Variants in SPAG16 observed in about 807,000 individuals in gnomAD.
SPAG16 encodes sperm associated antigen 16, also known as sperm-associated antigen 16 protein.
A neutral mutation model predicts 80.4 loss-of-function variants in SPAG16; 86 were observed. The observed-to-expected ratio is 1.07, with a 90% confidence interval of 0.90 to 1.28. The LOEUF (loss-of-function observed/expected upper bound fraction) is 1.28. Among genes scored for constraint, SPAG16 ranks in the 50% most tolerant of loss-of-function variants. The probability of loss-of-function intolerance (pLI) is 0.00; values close to 1 mark genes in which losing one functional copy is unlikely to be tolerated. For synonymous variants in SPAG16, 294 were observed against 265.9 expected (o/e 1.11, Z -1.03); for missense variants, 870 against 765.3 (o/e 1.14, Z -1.61).
chr2:214,212,986 A>G lies in SPAG16; in HGVS notation c.1720+63720A>G, dbSNP rs529562407. On this transcript the variant is annotated intron_variant, in intron 15 of 15. Coordinates refer to ENST00000331683, the MANE Select transcript of SPAG16 (RefSeq NM_024532.5). The stretch of plus-strand genomic sequence containing the variant: ...GGCCACCATTATTGTCAATATAATC[A>G]AAGAACTTTTTCCTCCCCTATTGAG... Among the ~76,000 whole-genome samples, 7 of 152,348 alleles carry G rather than the reference A, an allele frequency of 4.6e-5. No homozygotes were observed. The South Asian group carries it at 1.5e-3, about 32-fold the overall frequency.
At chr2:213,341,451 A>C (rs527814427) in intron 6 of SPAG16, among the ~76,000 whole-genome samples, 1 of 152,288 alleles carries the variant, frequency 6.6e-6, no homozygotes, top group Admixed American at 6.5e-5. Context: ...CTTTCATTGT[A>C]AACCATTAAA....
In SPAG16 at chr2:214,267,684, C is replaced by A. The variant is rs1052791548; in HGVS notation, c.1720+118418C>A. Reference sequence around the variant, plus strand: ...TGGAAAGATATCCCACAAATAAATTCTTTTGTGGATTGAAAGAATTAATAG... The same window carrying A: ...TGGAAAGATATCCCACAAATAAATTATTTTGTGGATTGAAAGAATTAATAG... On this transcript the variant is annotated intron_variant, in intron 15 of 15. Transcript: ENST00000331683. Among the ~76,000 whole-genome samples, 4 of 151,690 alleles carry A rather than the reference C, an allele frequency of 2.6e-5. 1 individual carries two copies. The highest frequency in any genetic ancestry group is 2.1e-4 in the South Asian group (1 of 4,826).
At chr2:214,032,044 T>C (rs977074769) in intron 13 of SPAG16, among the ~76,000 whole-genome samples, 4 of 152,214 alleles carry the variant, frequency 2.6e-5, no homozygotes, top group Non-Finnish European at 5.9e-5. Flanking sequence ...TTGCTCATAG[T>C]GTTCCCATAG....
chr2:213,386,514 T>C (rs747989020), intron 9 of SPAG16, among the ~76,000 whole-genome samples: 1 of 152,220 alleles, frequency 6.6e-6, no homozygotes, highest in Non-Finnish European at 1.5e-5. Flanking sequence ...TTTCATGGAT[T>C]GATAACTTTC....
chr2:213,694,624 T>C (rs2065084144), intron 10 of SPAG16, among the ~76,000 whole-genome samples: 1 of 152,142 alleles, frequency 6.6e-6, no homozygotes, highest in African/African-American at 2.4e-5. Flanking sequence ...CCTAAGGTCA[T>C]AATCTGGACA....
intron 15 of SPAG16, among the ~76,000 whole-genome samples, chr2:214,310,425 A>C (rs565779828): frequency 4.7e-4 from 72 of 152,192 alleles, no homozygotes; most frequent in Non-Finnish European, 8.7e-4. Context: ...CAGGGATCTC[A>C]GGTAGCTGAT....
rs58172382 is a variant in SPAG16 at position 214,116,395 on chromosome 2, C to G, written c.1593+8134C>G. Among the ~76,000 whole-genome samples the G allele has an allele frequency of 5.4e-3, 829 of 152,340 alleles. 4 individuals carry two copies. The highest frequency in any genetic ancestry group is 0.018 in the African/African-American group (749 of 41,590). ...AATGAGTTCACTAACCTCCATTTCA[C>G]AGCAGATTTTGAGGTGCACCAGACT... On this transcript the variant is annotated intron_variant, in intron 14 of 15. Transcript: ENST00000331683.
rs1201986346 is a variant in SPAG16 at position 213,422,505 on chromosome 2, G to C, written c.942+47386G>C. The stretch of plus-strand genomic sequence containing the variant: ...GTGTGGAATCTGGGCTGTAGCAAGA[G>C]CTGAGCACAGCCTACCAGGCCGAGT... On this transcript the variant is annotated intron_variant, in intron 9 of 15. Coordinates refer to ENST00000331683, the MANE Select transcript of SPAG16 (RefSeq NM_024532.5). The C allele has an allele frequency of 1.7e-5, 9 of 528,788 alleles. No individual in the cohort carries two copies. The East Asian group carries it at 2.1e-4, about 12-fold the overall frequency. The allele number at this position is 528,788 out of a possible 1,614,324, so 32.8% of individuals were successfully genotyped here.
At chr2:213,314,839 A>G (rs2063335130) in intron 4 of SPAG16, among the ~76,000 whole-genome samples, 2 of 151,952 alleles carry the variant, frequency 1.3e-5, no homozygotes, top group Admixed American at 6.6e-5. Context: ...TCACATTCCT[A>G]GTACAGATTA....
intron 10 of SPAG16, among the ~76,000 whole-genome samples, chr2:213,678,767 A>G (rs1173900140): frequency 6.6e-6 from 1 of 152,192 alleles, no homozygotes; most frequent in Non-Finnish European, 1.5e-5. Context: ...TGGAAGCCCA[A>G]GGACAGAAAG....
intron 10 of SPAG16, among the ~76,000 whole-genome samples, chr2:213,767,998 C>T (rs1461844137): frequency 6.6e-6 from 1 of 152,168 alleles, no homozygotes; most frequent in Non-Finnish European, 1.5e-5. Flanking sequence ...TGCACTGGAA[C>T]AGCTCTTAAC....
chr2:214,332,160 A>T (rs1696961500), intron 15 of SPAG16, among the ~76,000 whole-genome samples: 1 of 152,150 alleles, frequency 6.6e-6, no homozygotes, highest in Non-Finnish European at 1.5e-5. Flanking sequence ...GCTGAAGCAC[A>T]AGAATCACTT....
At chr2:214,025,616 G>C (rs1036207741) in intron 13 of SPAG16, among the ~76,000 whole-genome samples, 1 of 151,636 alleles carries the variant, frequency 6.6e-6, no homozygotes, top group African/African-American at 2.4e-5. Context: ...GCATTCTGCT[G>C]TGGTTGCTAT....
At chr2:214,282,764 A>C (rs1403454739) in intron 15 of SPAG16, among the ~76,000 whole-genome samples, 1 of 152,210 alleles carries the variant, frequency 6.6e-6, no homozygotes, top group Non-Finnish European at 1.5e-5. Context: ...AACTTAGGAT[A>C]TGAGGAGTAA....
chr2:213,965,502 A>G (rs2044664019), intron 12 of SPAG16, among the ~76,000 whole-genome samples: 1 of 152,238 alleles, frequency 6.6e-6, no homozygotes, highest in Non-Finnish European at 1.5e-5. Context: ...TGCTCCAATT[A>G]ACATCTCAGT....
Position 213,833,454 on chromosome 2 carries a change from T to A in SPAG16, c.1071-29031T>A, listed in dbSNP as rs867183765. The stretch of plus-strand genomic sequence containing the variant: ...GTATGTGTGTGTGTATATATATATA[T>A]TATATATATATTATATATAATAATA... On this transcript the variant is annotated intron_variant, in intron 10 of 15. Coordinates refer to ENST00000331683, the MANE Select transcript of SPAG16 (RefSeq NM_024532.5). 2.4e-3 allele frequency among the ~76,000 whole-genome samples: 13 copies of A among 5,438 alleles called. 1 individual carries two copies. The highest frequency in any genetic ancestry group is 3.8e-3 in the Non-Finnish European group (11 of 2,896). The allele number at this position is 5,438 out of a possible 152,430, so 3.6% of individuals were successfully genotyped here.
At chr2:214,383,709 G>A (rs1700591731) in intron 15 of SPAG16, among the ~76,000 whole-genome samples, 1 of 152,184 alleles carries the variant, frequency 6.6e-6, no homozygotes, top group South Asian at 2.1e-4. Flanking sequence ...TGAGAGGTGG[G>A]AGTTGGGTGA....
At chr2:213,808,267 T>C (rs1017650478) in intron 10 of SPAG16, among the ~76,000 whole-genome samples, 3 of 152,114 alleles carry the variant, frequency 2.0e-5, no homozygotes, top group Non-Finnish European at 4.4e-5. Context: ...ATTCAAAATT[T>C]TGTGGAAGAA....
chr2:213,301,442 A>G (rs889351040), intron 3 of SPAG16, among the ~76,000 whole-genome samples: 1 of 152,216 alleles, frequency 6.6e-6, no homozygotes, highest in Non-Finnish European at 1.5e-5. Context: ...AGGAACTCAC[A>G]TTAAAACAGT....
Sources: allele counts gnomAD v4.1 joint callset (sites outside exome capture counted in the v4.1 genomes callset), GRCh38; gene constraint gnomAD v4.1.1; transcripts MANE v1.5; gene names NCBI Gene and HGNC (gene_info 2026-07-23, HGNC 2026-07-21).